CPT2: variants seen among roughly 807,000 people sequenced by gnomAD.
The protein encoded by CPT2 is carnitine O-palmitoyltransferase 2, mitochondrial.
Under a neutral mutation model 48.6 loss-of-function variants are expected in CPT2, and 37 were observed. The ratio of observed to expected loss-of-function variants is 0.76; its 90% CI spans 0.59 to 1.00. CPT2 has a LOEUF of 1.00. Ranked by LOEUF, CPT2 falls within the 50% of genes least tolerant of loss-of-function variation. The pLI, the probability that CPT2 is intolerant of heterozygous loss-of-function variation, is 0.00. For missense variants in CPT2, 772 were observed against 825.6 expected (o/e 0.94, Z 0.80); for synonymous variants, 319 against 326.9 (o/e 0.98, Z 0.26).
At position 53,213,774 on chromosome 1, in the gene CPT2, C is replaced by T. The variant is rs1645447692; in HGVS notation, c.*179C>T. The T allele has an allele frequency of 1.7e-6, 1 of 597,594 alleles. No homozygotes were observed. Among genetic ancestry groups the T allele is most frequent in the Admixed American group, 2.8e-5 (1 of 35,616 alleles). 37.0% of individuals were successfully genotyped at this position (597,594 alleles called of 1,614,324 possible). A position where few individuals can be genotyped will look rare whatever the true frequency, so the allele number is the denominator to read the frequency against. On this transcript the variant is annotated 3_prime_UTR_variant, in exon 5 of 5. Coordinates refer to ENST00000371486, the MANE Select transcript of CPT2 (RefSeq NM_000098.3). ...TGAAACCTTGTCTCTACTAAAAATA[C>T]AAAAATTAGCTGGGTGTGGTGGCAT... is the stretch of plus-strand genomic sequence containing the variant.
intron 3 of CPT2, chr1:53,203,771 TTTTC>T (rs913843285): frequency 8.3e-5 from 8 of 95,940 alleles, no homozygotes; most frequent in African/African-American, 1.8e-4. Context: ...TTTCTTGGCT[TTTTC>T]TTTTTCTTTT....
At position 53,208,397 on chromosome 1, in the gene CPT2, T is replaced by G. The variant is rs144699104; in HGVS notation, c.341-1618T>G. 377 of 152,342 alleles carry G rather than the reference T, an allele frequency of 2.5e-3. 3 individuals carry two copies. Among genetic ancestry groups the G allele is most frequent in the African/African-American group, 8.7e-3 (361 of 41,560 alleles). The allele number at this position is 152,342 out of a possible 1,614,324, so 9.4% of individuals were successfully genotyped here. A position where few individuals can be genotyped will look rare whatever the true frequency, so the allele number is the denominator to read the frequency against. On this transcript the variant is annotated intron_variant, in intron 3 of 4. Coordinates refer to ENST00000371486, the MANE Select transcript of CPT2 (RefSeq NM_000098.3). ...TATTTGCCTGAATGATAGTCCTTATTTATAGAGTTTATTCATGTTTACTAA... is the reference window on the plus strand; with the variant it reads ...TATTTGCCTGAATGATAGTCCTTATGTATAGAGTTTATTCATGTTTACTAA...
At chr1:53,201,345 C>T (rs1645353794) in intron 2 of CPT2, 1 of 170,096 alleles carries the variant, frequency 5.9e-6, no homozygotes, top group Admixed American at 5.6e-5. Context: ...GACACAGAGA[C>T]AGCGGTGTGA....
Position 53,201,715 on chromosome 1 carries a change from A to G in CPT2, c.234-608A>G, listed in dbSNP as rs1033193173. On this transcript the variant is annotated intron_variant, in intron 2 of 4. Transcript: ENST00000371486. ...TAATGGAAATTTTTCTGTACAGGTA[A>G]CTGGCATTGTTGTTGGAATCACAGA... is the stretch of plus-strand genomic sequence containing the variant. The G allele has an allele frequency of 2.5e-5, 4 of 157,708 alleles. No homozygotes were observed. In the South Asian group the frequency reaches 7.4e-4, roughly 29 times the overall value. 9.8% of individuals were successfully genotyped at this position (157,708 alleles called of 1,614,324 possible).
At position 53,213,818 on chromosome 1, in the gene CPT2, A is replaced by C. The variant is rs758780739; in HGVS notation, c.*223A>C. 64 of 503,648 alleles carry C rather than the reference A, an allele frequency of 1.3e-4. No individual in the cohort carries two copies. Among genetic ancestry groups the C allele is most frequent in the Admixed American group, 3.2e-4 (10 of 31,174 alleles). The allele number at this position is 503,648 out of a possible 1,614,324, so 31.2% of individuals were successfully genotyped here. A position where few individuals can be genotyped will look rare whatever the true frequency, so the allele number is the denominator to read the frequency against. ...GTGGCATGTGCCTATAATCCCAGCT[A>C]CTTGGGAGGTTGAAGCAGAATTGCT... On this transcript the variant is annotated 3_prime_UTR_variant, in exon 5 of 5. Transcript: ENST00000371486.
At chr1:53,199,355 A>AT (rs1161065484) in intron 1 of CPT2, among the ~76,000 whole-genome samples, 1 of 151,664 alleles carries the variant, frequency 6.6e-6, no homozygotes, top group Non-Finnish European at 1.5e-5. Flanking sequence ...TGCCTGGCTG[A>AT]TTTTTTGTAT....
At chr1:53,206,791 A>C (rs776996955) in intron 3 of CPT2, among the ~76,000 whole-genome samples, 9 of 152,248 alleles carry the variant, frequency 5.9e-5, no homozygotes, top group Non-Finnish European at 8.8e-5. Flanking sequence ...GCCTTTACTC[A>C]GATGAGACTT....
At chr1:53,211,600 CTTTTTTTTTTT>C (rs112026378) in intron 4 of CPT2, 3 of 374,832 alleles carry the variant, frequency 8.0e-6, no homozygotes, top group Non-Finnish European at 9.4e-6. Flanking sequence ...TTTTTTCTTT[CTTTTTTTTTTT>C]TTTTTTTGGA....
At chr1:53,205,156 GAATGGTTTTGACCAA>G (rs1218044988) in intron 3 of CPT2, among the ~76,000 whole-genome samples, 1 of 152,184 alleles carries the variant, frequency 6.6e-6, no homozygotes, top group African/African-American at 2.4e-5. Context: ...TTAGAGAGTT[GAATGGTTTTGACCAA>G]AATGCTGATA....
Position 53,200,893 on chromosome 1 carries a change from G to T in CPT2, c.233+94G>T, listed in dbSNP as rs781319201. ...CCAAGCTTCAGGGAATGTCTGTGAC[G>T]TGGCTGGGTCTCCAGGAACCCAGAA... On this transcript the variant is annotated intron_variant, in intron 2 of 4. Coordinates refer to ENST00000371486, the MANE Select transcript of CPT2 (RefSeq NM_000098.3). The T allele has an allele frequency of 4.0e-6, 4 of 997,682 alleles. No homozygotes were observed. In the South Asian group the frequency reaches 5.1e-5, roughly 13 times the overall value. The allele number at this position is 997,682 out of a possible 1,614,324, so 61.8% of individuals were successfully genotyped here.
At position 53,202,377 on chromosome 1, in the gene CPT2, T is replaced by A; in HGVS notation, c.288T>A (p.His96Gln). 2.5e-6 allele frequency: 4 copies of A among 1,614,174 alleles called. No individual in the cohort carries two copies. The highest frequency in any genetic ancestry group is 3.4e-6 in the Non-Finnish European group (4 of 1,179,980). Residue 96 changes from histidine (H) to glutamine (Q), a missense_variant, in exon 3 of 5, where the codon CAT becomes CAA. Transcript: ENST00000371486. ...AAAATGGGATTGGAAAAGAACTGCA[T>A]GAGCAGCTGGTTGCTCTGGACAAAC... ...SFENGIGKEL[H>Q]EQLVALDKQN...
At chr1:53,202,062 C>G (rs558744086) in intron 2 of CPT2, 10 of 432,846 alleles carry the variant, frequency 2.3e-5, no homozygotes, top group South Asian at 2.1e-4. Context: ...GTCCTTTTCT[C>G]CATGCCAAAC....
chr1:53,212,967 T>C (rs1443121706), intron 4 of CPT2, among the ~76,000 whole-genome samples: 1 of 152,256 alleles, frequency 6.6e-6, no homozygotes, highest in Non-Finnish European at 1.5e-5. Flanking sequence ...TCTTGACTCT[T>C]TGACTAAACT....
intron 1 of CPT2, among the ~76,000 whole-genome samples, chr1:53,199,337 C>G (rs549528923): frequency 3.3e-5 from 5 of 152,232 alleles, no homozygotes; most frequent in Admixed American, 3.3e-4. Flanking sequence ...CACAGGCATG[C>G]ACCATCATGC....
chr1:53,211,850 C>T (rs1270772649), intron 4 of CPT2, among the ~76,000 whole-genome samples: 2 of 151,894 alleles, frequency 1.3e-5, no homozygotes, highest in Non-Finnish European at 2.9e-5. Context: ...CCATCCCTCT[C>T]AGCCTCCCAA....
chr1:53,200,461 T>G, intron 1 of CPT2: 4 of 375,328 alleles, frequency 1.1e-5, no homozygotes, highest in African/African-American at 2.1e-5. Context: ...TGCTTCCCCA[T>G]TTTGAATCTA....
rs1428533019 is a variant in CPT2, at chr1:53,213,508, C to G, written c.1890C>G (p.Gly630=). The G allele has an allele frequency of 1.9e-6, 3 of 1,614,162 alleles. No homozygotes were observed. The highest frequency in any genetic ancestry group is 3.3e-5 in the Admixed American group (2 of 60,018). ...GCTGCAATGTCTCTTCCTACCCAGGCCGCAATGCCCGGGAGTTTCTCCAAT... is the reference window on the plus strand; with the variant it reads ...GCTGCAATGTCTCTTCCTACCCAGGGCGCAATGCCCGGGAGTTTCTCCAAT... ...WIGCNVSSYP[G]RNAREFLQCV... is the part of the protein sequence containing the mutation. The change falls in exon 5 of 5, where the codon GGC becomes GGG. Residue 630 remains glycine (G), a synonymous_variant. Coordinates refer to ENST00000371486, the MANE Select transcript of CPT2 (RefSeq NM_000098.3).
chr1:53,205,725 C>T (rs530791024), intron 3 of CPT2, among the ~76,000 whole-genome samples: 23 of 152,324 alleles, frequency 1.5e-4, no homozygotes, highest in East Asian at 9.6e-4. Context: ...TGTGCAGCCT[C>T]GGGACATGGT....
intron 1 of CPT2, chr1:53,200,515 T>C (rs1220647750): frequency 1.7e-5 from 9 of 535,042 alleles, no homozygotes; most frequent in Non-Finnish European, 3.0e-5. Context: ...TACTTAAAGA[T>C]TTAGTTGTTA....
Sources: gnomAD v4.1 joint callset for allele counts (sites outside exome capture counted in the v4.1 genomes callset) on GRCh38, gnomAD v4.1.1 for gene constraint, MANE v1.5 for transcripts, NCBI Gene and HGNC (gene_info 2026-07-23, HGNC 2026-07-21) for gene names.